The following ITPR2 variants were observed in gnomAD, a reference collection of about 807,000 sequenced individuals.
ITPR2 encodes the protein inositol 1,4,5-trisphosphate-gated calcium channel ITPR2.
A neutral mutation model predicts 317.1 loss-of-function variants in ITPR2; 207 were observed. The observed-to-expected ratio is 0.65, with a 90% confidence interval of 0.58 to 0.73. The LOEUF (loss-of-function observed/expected upper bound fraction) is 0.73, where lower values mean the gene tolerates loss of function less well. ITPR2 is among the 30% of genes least tolerant of loss of function. ITPR2 has a pLI of 0.00. For synonymous variants in ITPR2, 1,156 were observed against 1,149.1 expected, an observed-to-expected ratio of 1.01 and a Z score of -0.12; for missense variants, 2,613 against 3,284.0, an observed-to-expected ratio of 0.80 and a Z score of 4.99.
chr12:26,565,418 C>T (rs1278277391), intron 34 of ITPR2, among the ~76,000 whole-genome samples: 1 of 150,864 alleles, frequency 6.6e-6, no homozygotes, highest in East Asian at 1.9e-4. Flanking sequence ...CCCCAGAAGG[C>T]TTACTTTAAA....
intron 2 of ITPR2, among the ~76,000 whole-genome samples, chr12:26,731,766 C>A (rs1949032314): frequency 6.6e-6 from 1 of 152,116 alleles, no homozygotes; most frequent in African/African-American, 2.4e-5. Context: ...CCACTGCACT[C>A]CAGCCTGGAG....
intron 30 of ITPR2, among the ~76,000 whole-genome samples, chr12:26,598,172 T>C (rs866430117): frequency 6.6e-6 from 1 of 152,176 alleles, no homozygotes; most frequent in Non-Finnish European, 1.5e-5. Context: ...AGCTAATGTG[T>C]AGGCAAATGC....
At chr12:26,516,285 G>GGGAAGGGAAGGGAAGGGAAAGGAAA (rs1943504560) in intron 37 of ITPR2, among the ~76,000 whole-genome samples, 1 of 42,846 alleles carries the variant, frequency 2.3e-5, no homozygotes. Context: ...GGGAAGGGAA[G>GGGAAGGGAAGGGAAGGGAAAGGAAA]GGAAAGGAAA....
intron 39 of ITPR2, among the ~76,000 whole-genome samples, chr12:26,490,578 C>T (rs778594375): frequency 1.4e-4 from 21 of 151,976 alleles, no homozygotes; most frequent in Non-Finnish European, 2.1e-4. Context: ...TTTGGGAGGC[C>T]GAGGCAGGTG....
Position 26,428,801 on chromosome 12 carries a change from A to G in ITPR2, c.6770-713T>C, listed in dbSNP as rs540438776. Among the ~76,000 whole-genome samples the G allele has an allele frequency of 1.1e-4, 16 of 152,358 alleles. 1 individual carries two copies. The East Asian group carries it at 3.1e-3, about 29-fold the overall frequency. On this transcript the variant is annotated intron_variant, in intron 48 of 56. Coordinates refer to ENST00000381340, the MANE Select transcript of ITPR2 (RefSeq NM_002223.4). ...CTTTAATAAGTAGTACAATTCATTG[A>G]CATTTGCACTGACATGTGCATTCAA...
chr12:26,795,015 A>G (rs1221323669), intron 1 of ITPR2, among the ~76,000 whole-genome samples: 3 of 152,258 alleles, frequency 2.0e-5, no homozygotes, highest in Non-Finnish European at 4.4e-5. Flanking sequence ...GTCGATGTCT[A>G]TTCCAGCTTT....
chr12:26,593,668 A>C (rs1945761658), intron 32 of ITPR2, among the ~76,000 whole-genome samples: 1 of 152,190 alleles, frequency 6.6e-6, no homozygotes, highest in Non-Finnish European at 1.5e-5. Flanking sequence ...AAATTCCCCT[A>C]GAGCTTTAAT....
chr12:26,597,178 A>T, intron 30 of ITPR2, 44 bp from the exon 31 acceptor site: 1 of 1,606,190 alleles, frequency 6.2e-7, no homozygotes, highest in Non-Finnish European at 8.5e-7. Flanking sequence ...CCGAACATTC[A>T]TCCTTGCAGT....
chr12:26,644,530 G>T (rs1329985696), intron 21 of ITPR2, among the ~76,000 whole-genome samples: 3 of 152,172 alleles, frequency 2.0e-5, no homozygotes. Context: ...ATTCCACATG[G>T]CTGGGGAGGC....
intron 2 of ITPR2, among the ~76,000 whole-genome samples, chr12:26,761,408 C>T (rs1325837574): frequency 1.3e-5 from 2 of 152,138 alleles, no homozygotes; most frequent in Non-Finnish European, 2.9e-5. Context: ...ACAAAACCAC[C>T]AACAAAGAAC....
At chr12:26,412,390 T>A (rs76806186) in intron 51 of ITPR2, among the ~76,000 whole-genome samples, 19,551 of 152,176 alleles carry the variant, frequency 0.13, 1,657 homozygotes, top group South Asian at 0.2. Context: ...TTTACCTCCA[T>A]CCCCTGAGGG....
At chr12:26,442,609 T>C (rs997190018) in intron 46 of ITPR2, among the ~76,000 whole-genome samples, 2 of 152,166 alleles carry the variant, frequency 1.3e-5, no homozygotes, top group Non-Finnish European at 1.5e-5. Flanking sequence ...TATTTCTATT[T>C]GTATAGAAAT....
rs1216054876 is a variant in ITPR2, at chr12:26,831,824, T to C, written c.92+866A>G. ...ATACATAAAATATATAAATATATAT[T>C]ATACATAAAATATATAAATATATAT... On this transcript the variant is annotated intron_variant, in intron 1 of 56. Coordinates refer to ENST00000381340, the MANE Select transcript of ITPR2 (RefSeq NM_002223.4). This position sits in a 1 kb window ranked among gnomAD's most constrained non-coding sequence, Gnocchi z 4.9. 1.4e-5 allele frequency among the ~76,000 whole-genome samples: 2 copies of C among 141,708 alleles called. No homozygotes were observed. The highest frequency in any genetic ancestry group is 7.0e-5 in the Admixed American group (1 of 14,218). 93.0% of individuals were successfully genotyped at this position (141,708 alleles called of 152,430 possible). A position where few individuals can be genotyped will look rare whatever the true frequency, so the allele number is the denominator to read the frequency against.
chr12:26,724,042 C>G (rs1948880947), intron 4 of ITPR2, among the ~76,000 whole-genome samples: 1 of 152,168 alleles, frequency 6.6e-6, no homozygotes. Context: ...CCATGATTTT[C>G]CCTGTGACCA....
At chr12:26,744,192 C>T (rs1041937904) in intron 2 of ITPR2, among the ~76,000 whole-genome samples, 1 of 152,246 alleles carries the variant, frequency 6.6e-6, no homozygotes, top group African/African-American at 2.4e-5. Context: ...CCAAAGGCCT[C>T]CCTGTGGCCC....
At chr12:26,808,690 A>G (rs1465444081) in intron 1 of ITPR2, among the ~76,000 whole-genome samples, 2 of 152,210 alleles carry the variant, frequency 1.3e-5, no homozygotes, top group Admixed American at 6.5e-5. Context: ...AGTAATGGAA[A>G]GCTGCACAAA....
At chr12:26,424,895 G>A (rs182800623) in intron 49 of ITPR2, among the ~76,000 whole-genome samples, 11 of 152,094 alleles carry the variant, frequency 7.2e-5, no homozygotes, top group Admixed American at 5.9e-4. Context: ...GAGTAGCTGG[G>A]ACTACAGGTA....
At chr12:26,414,428 C>A (rs752007837) in intron 51 of ITPR2, among the ~76,000 whole-genome samples, 2 of 152,092 alleles carry the variant, frequency 1.3e-5, no homozygotes, top group Non-Finnish European at 2.9e-5. Flanking sequence ...TTACATTTAA[C>A]GGTTTGAGGA....
Position 26,831,919 on chromosome 12 carries a change from A to G in ITPR2, c.92+771T>C, listed in dbSNP as rs1004066649. Among the ~76,000 whole-genome samples, 19 of 147,496 alleles carry G rather than the reference A, an allele frequency of 1.3e-4. No homozygotes were observed. Among genetic ancestry groups the G allele is most frequent in the East Asian group, 3.9e-4 (2 of 5,124 alleles). ...CATAAACATATATACATATATGTGT[A>G]TATATATATATATTTTTCCCCCCAT... On this transcript the variant is annotated intron_variant, in intron 1 of 56. Coordinates refer to ENST00000381340, the MANE Select transcript of ITPR2 (RefSeq NM_002223.4). This position sits in a 1 kb window ranked among gnomAD's most constrained non-coding sequence, Gnocchi z 4.9.
Sources: gnomAD v4.1 joint callset for allele counts (sites outside exome capture counted in the v4.1 genomes callset) on GRCh38, gnomAD v4.1.1 for gene constraint, Gnocchi (gnomAD v3.1) non-coding constraint, MANE v1.5 for transcripts, NCBI Gene and HGNC (gene_info 2026-07-23, HGNC 2026-07-21) for gene names.